SEC14L5: variants seen among roughly 807,000 people sequenced by gnomAD.
SEC14L5 encodes SEC14-like protein 5.
A neutral mutation model predicts 84.6 loss-of-function variants in SEC14L5; 96 were observed. That is an observed-to-expected ratio of 1.13 (90% CI 0.96 to 1.34). The LOEUF (loss-of-function observed/expected upper bound fraction) is 1.34, where lower values mean the gene tolerates loss of function less well. SEC14L5 is among the 40% of genes most tolerant of loss of function. The pLI, the probability that SEC14L5 is intolerant of heterozygous loss-of-function variation, is 0.00. For synonymous variants in SEC14L5, 546 were observed against 383.4 expected, an observed-to-expected ratio of 1.42 and a Z score of -4.95; for missense variants, 1,224 against 942.5, an observed-to-expected ratio of 1.30 and a Z score of -3.91.
rs58882220 is a variant in SEC14L5 at position 4,981,255 on chromosome 16, G to GTT, written c.64-6275_64-6274dup. Reference sequence around the variant, plus strand: ...ATGCACCAGCACGTCTAGCTAATTGGTTTTTTTTTTTTTTTTTTTTTTTTT... The same window carrying GTT: ...ATGCACCAGCACGTCTAGCTAATTGGTTTTTTTTTTTTTTTTTTTTTTTTTTT... On this transcript the variant is annotated intron_variant, in intron 2 of 15. Transcript: ENST00000251170. Among the ~76,000 whole-genome samples, 453 of 92,922 alleles carry GTT rather than the reference G, an allele frequency of 4.9e-3. 30 individuals carry two copies. Among genetic ancestry groups the GTT allele is most frequent in the Non-Finnish European group, 8.1e-3 (388 of 48,106 alleles). The allele number at this position is 92,922 out of a possible 152,430, so 61.0% of individuals were successfully genotyped here.
chr16:4,962,952 GT>G (rs1444572414), intron 2 of SEC14L5, among the ~76,000 whole-genome samples: 1 of 152,166 alleles, frequency 6.6e-6, no homozygotes, highest in Non-Finnish European at 1.5e-5. Flanking sequence ...CTTAATGTTC[GT>G]CTTTGTTTCG....
At chr16:5,008,336 C>T in intron 13 of SEC14L5, 85 bp from the exon 14 acceptor site, 5 of 980,502 alleles carry the variant, frequency 5.1e-6, no homozygotes, top group Non-Finnish European at 7.9e-6. Context: ...CCAGGGGGCA[C>T]CCACAGCCCC....
At chr16:4,964,979 C>T (rs1955179148) in intron 2 of SEC14L5, among the ~76,000 whole-genome samples, 1 of 152,122 alleles carries the variant, frequency 6.6e-6, no homozygotes, top group South Asian at 2.1e-4. Context: ...GATCTGCCCA[C>T]TTTGGACTCC....
intron 12 of SEC14L5, among the ~76,000 whole-genome samples, chr16:5,007,034 C>T (rs932933162): frequency 5.3e-5 from 8 of 152,046 alleles, no homozygotes; most frequent in South Asian, 2.1e-4. Context: ...AGTCCGGCAC[C>T]GGGGTAAAGG....
chr16:4,997,154 A>G, intron 8 of SEC14L5, 110 bp downstream of exon 8: 1 of 746,774 alleles, frequency 1.3e-6, no homozygotes, highest in Non-Finnish European at 2.0e-6. Flanking sequence ...GCTGGAGTGC[A>G]GTGGTGCCAT....
Position 5,011,095 on chromosome 16 carries a change from G to T in SEC14L5, c.1801G>T (p.Gly601Cys). 1 of 1,596,226 alleles carries T rather than the reference G, an allele frequency of 6.3e-7. No individual in the cohort carries two copies. Among genetic ancestry groups the T allele is most frequent in the Non-Finnish European group, 8.5e-7 (1 of 1,171,812 alleles). ...LVCREGESIQ[G>C]SHVTRWPGVY... ...TCAGGGCAGGGCTGATGTGTTTCAGGGCTCCCATGTGACCCGGTGGCCCGG... is the reference window on the plus strand; with the variant it reads ...TCAGGGCAGGGCTGATGTGTTTCAGTGCTCCCATGTGACCCGGTGGCCCGG... Residue 601 changes from glycine (G) to cysteine (C), a missense_variant and splice_region_variant, in exon 15 of 16, where the codon GGC becomes TGC. Transcript: ENST00000251170.
chr16:4,986,127 T>C (rs1023937076), intron 2 of SEC14L5, among the ~76,000 whole-genome samples: 7 of 151,730 alleles, frequency 4.6e-5, no homozygotes, highest in African/African-American at 1.5e-4. Context: ...CGTGCTGTTA[T>C]GTCTTCTTCT....
At chr16:4,985,660 C>A (rs1244722665) in intron 2 of SEC14L5, among the ~76,000 whole-genome samples, 1 of 152,056 alleles carries the variant, frequency 6.6e-6, no homozygotes, top group African/African-American at 2.4e-5. Context: ...GGGCTTATTT[C>A]TGGATGCTAA....
chr16:4,997,822 G>A (rs1955628178), intron 8 of SEC14L5, among the ~76,000 whole-genome samples: 1 of 151,936 alleles, frequency 6.6e-6, no homozygotes, highest in Non-Finnish European at 1.5e-5. Flanking sequence ...CTTGGCTGGT[G>A]GCAGCTTCAC....
Position 4,958,412 on chromosome 16 carries a change from C to G in SEC14L5, c.-85C>G, listed in dbSNP as rs952432098. The G allele has an allele frequency of 6.6e-6, 1 of 152,666 alleles. No homozygotes were observed. Among genetic ancestry groups the G allele is most frequent in the South Asian group, 2.1e-4 (1 of 4,844 alleles). 9.5% of individuals were successfully genotyped at this position (152,666 alleles called of 1,614,324 possible). ...GCAGGGTGTTCAAGGCGGGACACAC[C>G]AGGCTAGAGATCCGCGATCGGGCCC... On this transcript the variant is annotated 5_prime_UTR_variant, in exon 1 of 16. Transcript: ENST00000251170.
intron 2 of SEC14L5, among the ~76,000 whole-genome samples, chr16:4,980,771 G>C (rs1244091678): frequency 6.6e-6 from 1 of 152,132 alleles, no homozygotes; most frequent in Non-Finnish European, 1.5e-5. Context: ...GGGGAAGGGA[G>C]GGTGTCCCGG....
intron 5 of SEC14L5, among the ~76,000 whole-genome samples, chr16:4,991,162 CTTTTT>C (rs35980290): frequency 3.5e-5 from 3 of 85,474 alleles, no homozygotes; most frequent in East Asian, 7.3e-4. Context: ...TTCTGTGGTG[CTTTTT>C]TTTTTTTTTT....
intron 4 of SEC14L5, among the ~76,000 whole-genome samples, chr16:4,990,047 T>G (rs963400121): frequency 4.6e-5 from 7 of 151,750 alleles, no homozygotes; most frequent in Admixed American, 3.3e-4. Flanking sequence ...TATCTTTATA[T>G]AGATAACATA....
intron 14 of SEC14L5, among the ~76,000 whole-genome samples, chr16:5,009,128 T>A (rs1295693560): frequency 6.6e-6 from 1 of 152,198 alleles, no homozygotes; most frequent in Non-Finnish European, 1.5e-5. Context: ...TCTATGCCTC[T>A]GTCCTAGCCT....
rs528665733 is a variant in SEC14L5, at chr16:4,966,643, C to A, written c.63+7257C>A. Reference sequence around the variant, plus strand: ...CACCCCATGAGATGAGTTCTGTGGGCAGCCCATTCGACAGAGGAGGAGACT... The same window carrying A: ...CACCCCATGAGATGAGTTCTGTGGGAAGCCCATTCGACAGAGGAGGAGACT... On this transcript the variant is annotated intron_variant, in intron 2 of 15. Transcript: ENST00000251170. Among the ~76,000 whole-genome samples, 7 of 152,252 alleles carry A rather than the reference C, an allele frequency of 4.6e-5. No homozygotes were observed. In the South Asian group the frequency reaches 1.0e-3, roughly 23 times the overall value.
At chr16:4,964,209 C>G (rs777326660) in intron 2 of SEC14L5, among the ~76,000 whole-genome samples, 16 of 152,110 alleles carry the variant, frequency 1.1e-4, no homozygotes, top group Non-Finnish European at 2.1e-4. Context: ...CCATGTGGCT[C>G]AGGTCGCCTG....
At position 5,009,627 on chromosome 16, in the gene SEC14L5, C is replaced by T. The variant is rs61570308; in HGVS notation, c.1800+979C>T. ...GCGTGAGCCACCATGGCTGGCCTCA[C>T]CCTAAATCCTTAACCACAAAGACTC... On this transcript the variant is annotated intron_variant, in intron 14 of 15. Coordinates refer to ENST00000251170, the MANE Select transcript of SEC14L5 (RefSeq NM_014692.2). Among the ~76,000 whole-genome samples, 393 of 152,144 alleles carry T rather than the reference C, an allele frequency of 2.6e-3. 4 individuals are homozygous for T. The East Asian group carries it at 0.036, about 14-fold the overall frequency.
At chr16:4,987,517 C>T (rs769298992) in intron 2 of SEC14L5, 40 bp from the exon 3 acceptor site, 5 of 1,401,016 alleles carry the variant, frequency 3.6e-6, no homozygotes, top group South Asian at 1.3e-5. Flanking sequence ...GGTCCCTCTG[C>T]CCCCCCCACC....
rs557215990 is a variant in SEC14L5 at position 5,014,629 on chromosome 16, C to T, written c.1980-230C>T. Among the ~76,000 whole-genome samples, 6 of 152,366 alleles carry T rather than the reference C, an allele frequency of 3.9e-5. No homozygotes were observed. In the East Asian group the frequency reaches 1.2e-3, roughly 29 times the overall value. ...TTAGGGCCATGCAAGGGCCTCAGGC[C>T]AGGGGAGCCCCTGATGGGTCTGTGG... On this transcript the variant is annotated intron_variant, in intron 15 of 15. Coordinates refer to ENST00000251170, the MANE Select transcript of SEC14L5 (RefSeq NM_014692.2).
Sources: allele counts gnomAD v4.1 joint callset (sites outside exome capture counted in the v4.1 genomes callset), GRCh38; gene constraint gnomAD v4.1.1; transcripts MANE v1.5; gene names NCBI Gene and HGNC (gene_info 2026-07-23, HGNC 2026-07-21).